The following TXNDC12 variants were observed in gnomAD, a reference collection of about 807,000 sequenced individuals.
TXNDC12 encodes the protein thioredoxin domain containing 12, also known as thioredoxin domain-containing protein 12.
Under a neutral mutation model 24.2 loss-of-function variants are expected in TXNDC12, and 22 were observed. The ratio of observed to expected loss-of-function variants is 0.91; its 90% CI spans 0.65 to 1.30. The LOEUF is 1.30. Among genes scored for constraint, TXNDC12 ranks in the 50% most tolerant of loss-of-function variants. TXNDC12 has a pLI of 0.00. For synonymous variants in TXNDC12, 58 were observed against 73.4 expected, an observed-to-expected ratio of 0.79 and a Z score of 1.07; for missense variants, 184 against 205.8, an observed-to-expected ratio of 0.89 and a Z score of 0.65.
intron 2 of TXNDC12, among the ~76,000 whole-genome samples, chr1:52,037,601 G>A (rs1685908507): frequency 6.6e-6 from 1 of 152,192 alleles, no homozygotes; most frequent in South Asian, 2.1e-4. Flanking sequence ...ACTTTAAAAG[G>A]TAGTCTCTTA....
intron 2 of TXNDC12, among the ~76,000 whole-genome samples, chr1:52,034,417 G>C (rs963576118): frequency 6.6e-6 from 1 of 152,186 alleles, no homozygotes; most frequent in Non-Finnish European, 1.5e-5. Flanking sequence ...GAACTTGAAA[G>C]ACAAATAGGA....
Position 52,023,554 on chromosome 1 carries a change from G to T in TXNDC12, c.376C>A (p.Pro126Thr). The change falls in exon 6 of 7, where the codon CCT becomes ACT. Residue 126 changes from proline (P) to threonine (T), a missense_variant. Transcript: ENST00000371626. ...LFLDPSGKVHPEIINENGNPS... is the reference protein window; with the variant it reads ...LFLDPSGKVHTEIINENGNPS... ...TTTCCATTCTCATTGATGATTTCAGGATGCACCTTGCCACTGGGATCTGTT... is the reference window on the plus strand; with the variant it reads ...TTTCCATTCTCATTGATGATTTCAGTATGCACCTTGCCACTGGGATCTGTT... The T allele has an allele frequency of 6.2e-7, 1 of 1,613,900 alleles. No individual in the cohort carries two copies.
At chr1:52,050,000 T>G (rs1344586326) in intron 1 of TXNDC12, among the ~76,000 whole-genome samples, 4 of 152,188 alleles carry the variant, frequency 2.6e-5, no homozygotes, top group African/African-American at 9.7e-5. Flanking sequence ...CCTTTATAAA[T>G]AAGGAAGCTG....
At chr1:52,024,632 A>G (rs148460687) in intron 4 of TXNDC12, 53 bp from the exon 5 acceptor site, 1,048 of 1,439,602 alleles carry the variant, frequency 7.3e-4, no homozygotes, top group Non-Finnish European at 9.6e-4. Flanking sequence ...TCTCTCCTCA[A>G]AACCATTCAG....
chr1:52,040,275 G>A (rs1237918134), intron 2 of TXNDC12, among the ~76,000 whole-genome samples: 1 of 152,014 alleles, frequency 6.6e-6, no homozygotes, highest in Non-Finnish European at 1.5e-5. Flanking sequence ...CCAGGCTGCA[G>A]TACAGTGGCA....
intron 2 of TXNDC12, chr1:52,032,214 C>T (rs1375222395): frequency 2.0e-6 from 2 of 985,834 alleles, no homozygotes; most frequent in Non-Finnish European, 1.2e-6. Context: ...TCTGTGAACT[C>T]GGTCCCAGAA....
chr1:52,023,769 A>G (rs1360812609), intron 5 of TXNDC12, among the ~76,000 whole-genome samples, 195 bp from the exon 6 acceptor site: 2 of 152,068 alleles, frequency 1.3e-5, no homozygotes, highest in African/African-American at 4.8e-5. Context: ...CATAAAACCT[A>G]GCAGAATTTA....
At chr1:52,039,700 T>C (rs1022709539) in intron 2 of TXNDC12, among the ~76,000 whole-genome samples, 2 of 152,196 alleles carry the variant, frequency 1.3e-5, no homozygotes, top group African/African-American at 4.8e-5. Flanking sequence ...ATGATTAATG[T>C]TGCACGGCAT....
At chr1:52,021,931 C>G (rs1685602285) in intron 6 of TXNDC12, among the ~76,000 whole-genome samples, 1 of 152,208 alleles carries the variant, frequency 6.6e-6, no homozygotes, top group South Asian at 2.1e-4. Flanking sequence ...ATGTTCACAT[C>G]TGGACTATGT....
intron 1 of TXNDC12, among the ~76,000 whole-genome samples, chr1:52,046,862 A>AT (rs1553236771): frequency 9.1e-6 from 1 of 109,764 alleles, no homozygotes; most frequent in African/African-American, 4.6e-5. Context: ...CTAAAAAAAA[A>AT]AAAAATATAT....
intron 1 of TXNDC12, among the ~76,000 whole-genome samples, chr1:52,043,135 A>C (rs780086520): frequency 6.6e-6 from 1 of 152,162 alleles, no homozygotes; most frequent in Non-Finnish European, 1.5e-5. Context: ...CTACCTGTGC[A>C]ATTCCTTCCG....
intron 2 of TXNDC12, among the ~76,000 whole-genome samples, chr1:52,038,022 G>T (rs867860752): frequency 6.6e-6 from 1 of 151,862 alleles, no homozygotes; most frequent in Non-Finnish European, 1.5e-5. Flanking sequence ...CAATCTTCCA[G>T]GCTCAAGCAA....
At position 52,047,158 on chromosome 1, in the gene TXNDC12, T is replaced by C. The variant is rs1557998450; in HGVS notation, c.98-5561A>G. ...GAAGGGAGAGTCACTGGTAAAATAT[T>C]GGTGAGTCGGTGAGAGGAGACGGGA... On this transcript the variant is annotated intron_variant, in intron 1 of 6. Coordinates refer to ENST00000371626, the MANE Select transcript of TXNDC12 (RefSeq NM_015913.4). Among the ~76,000 whole-genome samples, 8 of 152,102 alleles carry C rather than the reference T, an allele frequency of 5.3e-5. No homozygotes were observed. In the South Asian group the frequency reaches 1.2e-3, roughly 24 times the overall value.
At chr1:52,046,793 G>A (rs934238429) in intron 1 of TXNDC12, among the ~76,000 whole-genome samples, 15 of 149,790 alleles carry the variant, frequency 1.0e-4, no homozygotes, top group East Asian at 2.0e-4. Context: ...CAAGGCAGGC[G>A]GATCACGAGG....
chr1:52,022,918 C>G (rs916002899), intron 6 of TXNDC12, among the ~76,000 whole-genome samples: 2 of 151,812 alleles, frequency 1.3e-5, no homozygotes, highest in African/African-American at 4.8e-5. Flanking sequence ...GGATTACAGG[C>G]GTGAGCCACC....
rs531405059 is a variant in TXNDC12, at chr1:52,040,821, G to A, written c.158+716C>T. Among the ~76,000 whole-genome samples the A allele has an allele frequency of 2.4e-3, 356 of 151,176 alleles. 6 individuals carry two copies. The South Asian group carries it at 0.047, about 20-fold the overall frequency. ...CGAGGCAGGTGGATCGCCTGAGGTT[G>A]GGAGCTCAAGACCAGCCTGGCCAAC... is the stretch of plus-strand genomic sequence containing the variant. On this transcript the variant is annotated intron_variant, in intron 2 of 6. Coordinates refer to ENST00000371626, the MANE Select transcript of TXNDC12 (RefSeq NM_015913.4).
chr1:52,048,658 G>A (rs1686143094), intron 1 of TXNDC12, among the ~76,000 whole-genome samples: 1 of 151,882 alleles, frequency 6.6e-6, no homozygotes, highest in Non-Finnish European at 1.5e-5. Context: ...CTTGAGTTCA[G>A]GAGTTCAAGA....
rs76000153 is a variant in TXNDC12, at chr1:52,020,491, T to C, written c.*442A>G. 0.011 allele frequency: 2,571 copies of C among 228,184 alleles called. 119 individuals are homozygous for C. The East Asian group carries it at 0.12, about 11-fold the overall frequency. The allele number at this position is 228,184 out of a possible 1,614,324, so 14.1% of individuals were successfully genotyped here. On this transcript the variant is annotated 3_prime_UTR_variant, in exon 7 of 7. Transcript: ENST00000371626. ...GATTTACACTTAGGATTTATTGTTATTGTTGTTGTTGTTGTTTTTTAATGA... is the reference window on the plus strand; with the variant it reads ...GATTTACACTTAGGATTTATTGTTACTGTTGTTGTTGTTGTTTTTTAATGA...
intron 1 of TXNDC12, among the ~76,000 whole-genome samples, chr1:52,049,549 G>A (rs1205550605): frequency 6.6e-6 from 1 of 152,164 alleles, no homozygotes; most frequent in Non-Finnish European, 1.5e-5. Context: ...TTGCGTCACT[G>A]CACTCCAGCC....
Sources: allele counts gnomAD v4.1 joint callset (sites outside exome capture counted in the v4.1 genomes callset), GRCh38; gene constraint gnomAD v4.1.1; transcripts MANE v1.5; gene names NCBI Gene and HGNC (gene_info 2026-07-23, HGNC 2026-07-21).